FHL1: variants seen among roughly 807,000 people sequenced by gnomAD.
The protein encoded by FHL1 is four and a half LIM domains protein 1.
A neutral mutation model predicts 20.3 loss-of-function variants in FHL1; 1 was observed. The ratio of observed to expected loss-of-function variants is 0.05; its 90% CI spans 0.02 to 0.23. The LOEUF is 0.23. Ranked by LOEUF, FHL1 falls within the 10% of genes least tolerant of loss-of-function variation. The probability of loss-of-function intolerance (pLI) is 1.00; values close to 1 mark genes in which losing one functional copy is unlikely to be tolerated. For missense variants in FHL1, 177 were observed against 234.0 expected, an observed-to-expected ratio of 0.76 and a Z score of 1.59; for synonymous variants, 82 against 88.9, an observed-to-expected ratio of 0.92 and a Z score of 0.44.
At chrX:136,202,278 T>C (rs2073731813) in intron 1 of FHL1, among the ~76,000 whole-genome samples, 1 of 111,929 alleles carries the variant, frequency 8.9e-6, no homozygotes, top group South Asian at 3.7e-4. Context: ...GGTAGGAGAA[T>C]TGCTTGAACC....
chrX:136,187,293 A>G (rs1330346584), intron 2 of FHL1, among the ~76,000 whole-genome samples: 1 of 111,362 alleles, frequency 9.0e-6, no homozygotes, highest in Non-Finnish European at 1.9e-5. Context: ...ACTTTTCACT[A>G]TGTATTCTTT....
intron 2 of FHL1, among the ~76,000 whole-genome samples, chrX:136,179,397 T>C (rs1305040453): frequency 2.7e-5 from 3 of 112,036 alleles, no homozygotes; most frequent in African/African-American, 9.7e-5. Context: ...TCAGTTCTCA[T>C]AGACTTCACA....
At chrX:136,173,174 A>C (rs1263683156) in intron 2 of FHL1, among the ~76,000 whole-genome samples, 7 of 112,999 alleles carry the variant, frequency 6.2e-5, no homozygotes, top group Non-Finnish European at 1.3e-4. Context: ...GCTTGAACAC[A>C]TAATTCTTAA....
At chrX:136,200,596 GTCAA>G (rs1182735156) in intron 1 of FHL1, among the ~76,000 whole-genome samples, 1 of 112,172 alleles carries the variant, frequency 8.9e-6, no homozygotes, top group Non-Finnish European at 1.9e-5. Context: ...ATCTCCATCT[GTCAA>G]TCAACAGGCA....
chrX:136,151,152 C>A (rs1283298069), intron 1 of FHL1, among the ~76,000 whole-genome samples: 3 of 112,161 alleles, frequency 2.7e-5, no homozygotes, highest in Non-Finnish European at 5.6e-5. Flanking sequence ...GCGCTTTTGC[C>A]CCCCGGGGTC....
chrX:136,208,049 C>T, intron 4 of FHL1, 88 bp downstream of exon 4: 1 of 1,027,285 alleles, frequency 9.7e-7, no homozygotes, highest in Non-Finnish European at 1.4e-6. Context: ...CTATCCCATT[C>T]CATCCTCACG....
intron 2 of FHL1, among the ~76,000 whole-genome samples, chrX:136,170,469 C>T (rs963674077): frequency 9.0e-6 from 1 of 111,082 alleles, no homozygotes; most frequent in Non-Finnish European, 1.9e-5. Flanking sequence ...TGCTTCTGCT[C>T]GGTGACATTA....
At chrX:136,194,783 A>G (rs1036169569), upstream of FHL1, among the ~76,000 whole-genome samples, 3 of 112,250 alleles carry the variant, frequency 2.7e-5, no homozygotes, top group Non-Finnish European at 5.6e-5. Flanking sequence ...GGACAAAGTT[A>G]CCAACTATTC....
chrX:136,186,895 GAT>G (rs1325952850), intron 2 of FHL1, among the ~76,000 whole-genome samples: 1 of 103,430 alleles, frequency 9.7e-6, no homozygotes, highest in African/African-American at 3.5e-5. Context: ...TAGATAGATA[GAT>G]AGATAGATAG....
At chrX:136,172,055 G>C (rs2072884801) in intron 2 of FHL1, among the ~76,000 whole-genome samples, 1 of 110,308 alleles carries the variant, frequency 9.1e-6, no homozygotes, top group African/African-American at 3.3e-5. Flanking sequence ...CAACATGCCT[G>C]GCTAATTTTT....
At chrX:136,147,882 C>G (rs1404586716) in intron 1 of FHL1, 4 of 104,742 alleles carry the variant, frequency 3.8e-5, no homozygotes, top group Non-Finnish European at 7.8e-5. Flanking sequence ...CCCCCTGGTG[C>G]GTGCCTCGGC....
At chrX:136,165,547 A>C (rs1357247130), upstream of FHL1, among the ~76,000 whole-genome samples, 1 of 112,223 alleles carries the variant, frequency 8.9e-6, no homozygotes, top group Non-Finnish European at 1.9e-5. Context: ...CTGTTCTTTG[A>C]TTTCTTGGGT....
chrX:136,177,310 G>A (rs1217457544), intron 2 of FHL1, among the ~76,000 whole-genome samples: 4 of 111,649 alleles, frequency 3.6e-5, no homozygotes, highest in Non-Finnish European at 5.7e-5. Flanking sequence ...GATTGGGTTT[G>A]ACCAGGATTC....
chrX:136,194,297 C>T (rs899317991), upstream of FHL1, among the ~76,000 whole-genome samples: 1 of 112,197 alleles, frequency 8.9e-6, no homozygotes, highest in African/African-American at 3.2e-5. Context: ...ATACCTTGCA[C>T]CACATAGTAG....
chrX:136,152,342 A>G (rs374186491), intron 1 of FHL1, among the ~76,000 whole-genome samples: 1 of 112,224 alleles, frequency 8.9e-6, no homozygotes, highest in Non-Finnish European at 1.9e-5. Context: ...ATGTCCCACA[A>G]CCAAGCCACT....
intron 2 of FHL1, among the ~76,000 whole-genome samples, chrX:136,190,990 G>A (rs886848789): frequency 2.7e-5 from 3 of 111,302 alleles, no homozygotes; most frequent in African/African-American, 6.5e-5. Context: ...CTTCAGGTCC[G>A]CCAATCCTCT....
chrX:136,159,477 G>A (rs1292028942), intron 1 of FHL1, among the ~76,000 whole-genome samples: 3 of 112,034 alleles, frequency 2.7e-5, no homozygotes, highest in African/African-American at 9.7e-5. Flanking sequence ...GGGAGGCAGA[G>A]GTTGCGGTGA....
At chrX:136,208,717 C>T (rs1007587603) in intron 5 of FHL1, 76 bp downstream of exon 5, 166 of 1,003,028 alleles carry the variant, frequency 1.7e-4, no homozygotes, top group Non-Finnish European at 8.7e-5. Flanking sequence ...TTCCTGTCGT[C>T]GGTTTCATCC....
At chrX:136,194,414 G>A (rs1407770440), upstream of FHL1, among the ~76,000 whole-genome samples, 1 of 111,617 alleles carries the variant, frequency 9.0e-6, no homozygotes, top group Non-Finnish European at 1.9e-5. Context: ...CAGATAGTAG[G>A]ACCATAAGGA....
Sources: gnomAD v4.1 joint callset for allele counts (sites outside exome capture counted in the v4.1 genomes callset) on GRCh38, gnomAD v4.1.1 for gene constraint, MANE v1.5 for transcripts, NCBI Gene and HGNC (gene_info 2026-07-23, HGNC 2026-07-21) for gene names.